The following TNRC6A variants were observed in gnomAD, a reference collection of about 807,000 sequenced individuals.
TNRC6A encodes the protein trinucleotide repeat-containing gene 6A protein.
Under a neutral mutation model 221.2 loss-of-function variants are expected in TNRC6A, and 44 were observed. The ratio of observed to expected loss-of-function variants is 0.20; its 90% CI spans 0.16 to 0.26. TNRC6A has a LOEUF of 0.26. Among genes scored for constraint, TNRC6A ranks in the 10% least tolerant of loss-of-function variants. TNRC6A has a pLI of 1.00. For synonymous variants in TNRC6A, 847 were observed against 838.5 expected (o/e 1.01, Z -0.18); for missense variants, 2,199 against 2,404.4 (o/e 0.91, Z 1.79).
intron 2 of TNRC6A, among the ~76,000 whole-genome samples, chr16:24,689,778 G>T (rs1285336796): frequency 6.6e-6 from 1 of 151,856 alleles, no homozygotes; most frequent in African/African-American, 2.4e-5. Flanking sequence ...TTGAGACAGG[G>T]TCTCACTTGT....
At chr16:24,665,785 T>C (rs941431378) in intron 2 of TNRC6A, among the ~76,000 whole-genome samples, 3 of 152,196 alleles carry the variant, frequency 2.0e-5, no homozygotes, top group Non-Finnish European at 4.4e-5. Flanking sequence ...TGAGAACTAC[T>C]GCCTTGCAAG....
intron 2 of TNRC6A, among the ~76,000 whole-genome samples, chr16:24,677,148 C>T (rs935022874): frequency 2.0e-5 from 3 of 151,160 alleles, no homozygotes; most frequent in African/African-American, 7.3e-5. Context: ...TTTCCTGTCC[C>T]GTTTCCTTTT....
At chr16:24,679,671 T>A (rs955945335) in intron 2 of TNRC6A, among the ~76,000 whole-genome samples, 3 of 151,636 alleles carry the variant, frequency 2.0e-5, no homozygotes, top group African/African-American at 7.3e-5. Context: ...GAGACAAGGT[T>A]TTACCACGTT....
chr16:24,728,174 C>A (rs1317656805), upstream of TNRC6A, among the ~76,000 whole-genome samples: 2 of 152,088 alleles, frequency 1.3e-5, no homozygotes, highest in African/African-American at 4.8e-5. Context: ...TGAAGCTGGG[C>A]GCGGTGGCTC....
chr16:24,765,459 G>A (rs1418830899), intron 4 of TNRC6A, among the ~76,000 whole-genome samples: 1 of 152,144 alleles, frequency 6.6e-6, no homozygotes, highest in Non-Finnish European at 1.5e-5. Context: ...TACAGTTGGG[G>A]CTTAGTTCAC....
In TNRC6A at chr16:24,791,642, G is replaced by C; in HGVS notation, c.3000G>C (p.Glu1000Asp). Residue 1000 changes from glutamate (E) to aspartate (D), a missense_variant, in exon 6 of 25, where the codon GAG becomes GAC. Glu to Asp is a conservative substitution (Grantham distance 45). Transcript: ENST00000395799. The stretch of plus-strand genomic sequence containing the variant: ...CAGAATCTATACGTCGCAAAATGGA[G>C]ATTGATGATGGAACTTCAGCTTGGG... ...PSPESIRRKM[E>D]IDDGTSAWGD... The C allele has an allele frequency of 6.2e-7, 1 of 1,611,840 alleles. No individual in the cohort carries two copies. Among genetic ancestry groups the C allele is most frequent in the Non-Finnish European group, 8.5e-7 (1 of 1,179,412 alleles).
chr16:24,766,674 C>CTTTTTTTTTTTTTT (rs397972605), intron 4 of TNRC6A, among the ~76,000 whole-genome samples: 4 of 121,412 alleles, frequency 3.3e-5, no homozygotes, highest in South Asian at 2.6e-4. Context: ...TTCTTTTTAT[C>CTTTTTTTTTTTTTT]TTTTTTTTTT....
intron 2 of TNRC6A, among the ~76,000 whole-genome samples, chr16:24,743,883 T>C (rs1440477157): frequency 1.3e-5 from 2 of 152,222 alleles, no homozygotes; most frequent in Admixed American, 1.3e-4. Flanking sequence ...ACAGTCTTAA[T>C]AGCAGATCTA....
chr16:24,691,178 A>G (rs750012130), intron 2 of TNRC6A, among the ~76,000 whole-genome samples: 7 of 152,018 alleles, frequency 4.6e-5, no homozygotes, highest in Non-Finnish European at 8.8e-5. Flanking sequence ...AAGATAGTTA[A>G]GCCTGCTCTC....
chr16:24,792,550 G>A (rs1307929394), intron 6 of TNRC6A, among the ~76,000 whole-genome samples: 1 of 146,532 alleles, frequency 6.8e-6, no homozygotes, highest in African/African-American at 2.5e-5. Flanking sequence ...TTCTTAAAAG[G>A]AAGAAGTATG....
rs370193931 is a variant in TNRC6A at position 24,790,354 on chromosome 16, G to A, written c.1712G>A (p.Gly571Asp). ...TNFQVNTNKG[G>D]GVWESGAANS... is the part of the protein sequence containing the mutation. ...TTTCAAGTTAACACAAACAAAGGAG[G>A]TGGTGTGTGGGAATCTGGTGCAGCA... Residue 571 changes from glycine to aspartate, a missense_variant, in exon 6 of 25, where the codon GGT (glycine) becomes GAT (aspartate). Gly to Asp is a moderately conservative substitution (Grantham distance 94, BLOSUM62 -1). This residue lies in a region of TNRC6A where 1,405 missense variants were observed against 1,400.2 expected (regional missense o/e 1.00). Coordinates refer to ENST00000395799, the MANE Select transcript of TNRC6A (RefSeq NM_014494.4). 6.3e-5 allele frequency: 101 copies of A among 1,614,238 alleles called. 1 individual carries two copies. In the South Asian group the frequency reaches 1.1e-3, roughly 17 times the overall value.
At chr16:24,625,000 T>C (rs182171546) in intron 1 of TNRC6A, among the ~76,000 whole-genome samples, 8 of 152,306 alleles carry the variant, frequency 5.3e-5, no homozygotes, top group Admixed American at 2.0e-4. Context: ...GGTGATGAGA[T>C]TTCTTTATAT....
chr16:24,613,291 G>C (rs1163980697), intron 1 of TNRC6A, among the ~76,000 whole-genome samples: 1 of 151,714 alleles, frequency 6.6e-6, no homozygotes, highest in Non-Finnish European at 1.5e-5. Context: ...AAGGCCTTGA[G>C]GAGGGCAAGG....
intron 2 of TNRC6A, chr16:24,670,796 C>T (rs72768619): frequency 0.047 from 8,388 of 177,232 alleles, 283 homozygotes; most frequent in Middle Eastern, 0.083. Context: ...CACAATTTCT[C>T]CCAGACAGCT....
chr16:24,700,658 T>C (rs2055954684), intron 2 of TNRC6A, among the ~76,000 whole-genome samples: 1 of 152,130 alleles, frequency 6.6e-6, no homozygotes, highest in African/African-American at 2.4e-5. Flanking sequence ...AGAGGTGCCA[T>C]ATTGGCTGTG....
intron 2 of TNRC6A, among the ~76,000 whole-genome samples, chr16:24,692,563 C>T (rs2055777631): frequency 6.6e-6 from 1 of 151,582 alleles, no homozygotes; most frequent in South Asian, 2.1e-4. Context: ...GCGTGAACCT[C>T]CATCTCAAAA....
chr16:24,618,517 A>C (rs1900493163), intron 1 of TNRC6A, among the ~76,000 whole-genome samples: 4 of 152,176 alleles, frequency 2.6e-5, no homozygotes, highest in Admixed American at 2.0e-4. Context: ...ATCTGTAGAC[A>C]ACAGCAGTGT....
chr16:24,800,809 G>A lies in TNRC6A; in HGVS notation c.3694+2843G>A, dbSNP rs115419656. Reference sequence around the variant, plus strand: ...CCACAGAGTGCTGCTGACCCACCAGGCAATGGAGAAGCTGCAAGGGCTGCC... The same window carrying A: ...CCACAGAGTGCTGCTGACCCACCAGACAATGGAGAAGCTGCAAGGGCTGCC... On this transcript the variant is annotated intron_variant, in intron 11 of 24. Transcript: ENST00000395799. Among the ~76,000 whole-genome samples, 1,315 of 152,264 alleles carry A rather than the reference G, an allele frequency of 8.6e-3. 22 individuals are homozygous for A. The highest frequency in any genetic ancestry group is 0.03 in the African/African-American group (1,249 of 41,546).
At chr16:24,647,453 C>T (rs1567322925) in intron 2 of TNRC6A, among the ~76,000 whole-genome samples, 1 of 152,146 alleles carries the variant, frequency 6.6e-6, no homozygotes, top group African/African-American at 2.4e-5. Flanking sequence ...CTGATTTCAA[C>T]TAACTAATTT....
Sources: gnomAD v4.1 joint callset for allele counts (sites outside exome capture counted in the v4.1 genomes callset) on GRCh38, gnomAD v4.1.1 for gene constraint, gnomAD v4.1.1 regional missense constraint, MANE v1.5 for transcripts, NCBI Gene and HGNC (gene_info 2026-07-23, HGNC 2026-07-21) for gene names.